Variants in CEP63 observed in about 807,000 individuals in gnomAD.
CEP63 encodes the protein centrosomal protein 63.
Under a neutral mutation model 89.1 loss-of-function variants are expected in CEP63, and 84 were observed. The ratio of observed to expected loss-of-function variants is 0.94; its 90% CI spans 0.79 to 1.13. CEP63 has a LOEUF of 1.13. Ranked by LOEUF, CEP63 falls within the 50% of genes most tolerant of loss-of-function variation. The pLI is 0.00. For synonymous variants in CEP63, 267 were observed against 272.5 expected, an observed-to-expected ratio of 0.98 and a Z score of 0.20; for missense variants, 838 against 813.3, an observed-to-expected ratio of 1.03 and a Z score of -0.37.
At chr3:134,670,077 C>T in the CEP63 span, among the ~76,000 whole-genome samples, 5 of 152,158 alleles carry the variant, frequency 3.3e-5, no homozygotes, top group African/African-American at 1.2e-4. Flanking sequence ...ATCAGAACCC[C>T]ACCATGCTGG....
the CEP63 span, among the ~76,000 whole-genome samples, chr3:134,670,649 C>A: frequency 6.6e-6 from 1 of 152,120 alleles, no homozygotes; most frequent in African/African-American, 2.4e-5. Flanking sequence ...AAACTGTTAC[C>A]GTAATTTTGG....
chr3:134,650,736 A>T, the CEP63 span: 1 of 1,226,580 alleles, frequency 8.2e-7, no homozygotes, highest in South Asian at 1.6e-5. Context: ...CGTTCGGGGG[A>T]GCAATGGGCG....
rs527551617 is a variant in CEP63 at position 134,561,312 on chromosome 3, A to C, written c.1954-65A>C. On this transcript the variant is annotated intron_variant, in intron 14 of 14. Coordinates refer to ENST00000675561, the MANE Select transcript of CEP63 (RefSeq NM_001353108.3). ...TATTGCTAGTTAGAAAATGTCATGAACAGTGTATCTTAGAAATATAATATT... is the reference window on the plus strand; with the variant it reads ...TATTGCTAGTTAGAAAATGTCATGACCAGTGTATCTTAGAAATATAATATT... 6 of 1,427,418 alleles carry C rather than the reference A, an allele frequency of 4.2e-6. No individual in the cohort carries two copies. The African/African-American group carries it at 7.0e-5, about 17-fold the overall frequency. 88.4% of individuals were successfully genotyped at this position (1,427,418 alleles called of 1,614,324 possible). A position where few individuals can be genotyped will look rare whatever the true frequency, so the allele number is the denominator to read the frequency against.
downstream of CEP63, among the ~76,000 whole-genome samples, chr3:134,577,408 T>C (rs910218795): frequency 3.8e-4 from 57 of 151,650 alleles, no homozygotes; most frequent in Non-Finnish European, 7.4e-4. Context: ...ACCAAAAACT[T>C]TTTTGTGGCC....
chr3:134,597,414 C>T, the CEP63 span, among the ~76,000 whole-genome samples: 1 of 152,204 alleles, frequency 6.6e-6, no homozygotes, highest in East Asian at 1.9e-4. Flanking sequence ...GCTGACTGCA[C>T]ACACAGAACC....
the CEP63 span, chr3:134,651,016 T>G: frequency 6.2e-7 from 1 of 1,609,402 alleles, no homozygotes; most frequent in Non-Finnish European, 8.5e-7. Context: ...CTGCTTGCGC[T>G]GCAAATGGCC....
At chr3:134,685,549 C>T in the CEP63 span, among the ~76,000 whole-genome samples, 2 of 151,638 alleles carry the variant, frequency 1.3e-5, no homozygotes, top group South Asian at 2.1e-4. Flanking sequence ...TCTGTGTGCC[C>T]ATCTTTATCC....
chr3:134,623,922 A>G, the CEP63 span, among the ~76,000 whole-genome samples: 1 of 151,912 alleles, frequency 6.6e-6, no homozygotes, highest in African/African-American at 2.4e-5. Context: ...CCCCTGCAAT[A>G]TGATGCCCGT....
chr3:134,610,140 C>A, the CEP63 span: 1 of 1,554,940 alleles, frequency 6.4e-7, no homozygotes, highest in Non-Finnish European at 8.8e-7. Flanking sequence ...TGCTGCCTGG[C>A]ACATCCTCCA....
intron 12 of CEP63, among the ~76,000 whole-genome samples, chr3:134,553,779 A>T (rs9827987): frequency 6.6e-6 from 1 of 151,946 alleles, no homozygotes; most frequent in Non-Finnish European, 1.5e-5. Context: ...TTCCTGGGTC[A>T]TGTGTGTTTC....
the CEP63 span, among the ~76,000 whole-genome samples, chr3:134,638,961 G>C: frequency 6.6e-6 from 1 of 152,066 alleles, no homozygotes; most frequent in Non-Finnish European, 1.5e-5. Flanking sequence ...TGTGTGGAGG[G>C]GTCATGGGAT....
At chr3:134,691,467 A>T in the CEP63 span, among the ~76,000 whole-genome samples, 2 of 143,210 alleles carry the variant, frequency 1.4e-5, no homozygotes, top group East Asian at 4.2e-4. Flanking sequence ...TAGCAAAAAA[A>T]TTTAGCTGGG....
the CEP63 span, among the ~76,000 whole-genome samples, chr3:134,647,996 A>T: frequency 6.6e-6 from 1 of 152,146 alleles, no homozygotes; most frequent in African/African-American, 2.4e-5. Flanking sequence ...TGGCCTAGCC[A>T]TGGCCAATCT....
chr3:134,555,420 C>CA, intron 12 of CEP63, among the ~76,000 whole-genome samples: 1 of 151,058 alleles, frequency 6.6e-6, no homozygotes, highest in East Asian at 1.9e-4. Context: ...GCAACTTCAG[C>CA]AAAGTCTCAG....
chr3:134,745,567 G>A, the CEP63 span, among the ~76,000 whole-genome samples: 18 of 152,062 alleles, frequency 1.2e-4, no homozygotes, highest in Non-Finnish European at 4.4e-5. Flanking sequence ...AAGTTCTAGG[G>A]TACATGTGCG....
At chr3:134,573,890 G>A (rs1958119945) in intron 11 of CEP63, among the ~76,000 whole-genome samples, 1 of 152,174 alleles carries the variant, frequency 6.6e-6, no homozygotes, top group African/African-American at 2.4e-5. Flanking sequence ...CTGTGTTAGA[G>A]TTAGGCCCTG....
chr3:134,594,473 C>T, the CEP63 span, among the ~76,000 whole-genome samples: 3 of 152,134 alleles, frequency 2.0e-5, no homozygotes, highest in African/African-American at 2.4e-5. Context: ...GGCACATGCT[C>T]AGGGCGGGCG....
chr3:134,773,010 G>A, the CEP63 span, among the ~76,000 whole-genome samples: 18 of 152,182 alleles, frequency 1.2e-4, no homozygotes, highest in African/African-American at 1.7e-4. Context: ...CCGAAGCATG[G>A]GAACCCATGA....
At chr3:134,601,079 G>C in the CEP63 span, 1 of 152,090 alleles carries the variant, frequency 6.6e-6, no homozygotes, top group African/African-American at 2.4e-5. Context: ...ACAAAGATGG[G>C]GATTTAAAGA....
Sources: allele counts gnomAD v4.1 joint callset (sites outside exome capture counted in the v4.1 genomes callset), GRCh38; gene constraint gnomAD v4.1.1; transcripts MANE v1.5; gene names NCBI Gene and HGNC (gene_info 2026-07-23, HGNC 2026-07-21).